Variants in ARFIP2 observed in about 807,000 individuals in gnomAD.
ARFIP2 encodes the protein ARF interacting protein 2.
Under a neutral mutation model 39.2 loss-of-function variants are expected in ARFIP2, and 14 were observed. The ratio of observed to expected loss-of-function variants is 0.36; its 90% CI spans 0.24 to 0.56. ARFIP2 has a LOEUF of 0.56. Ranked by LOEUF, ARFIP2 falls within the 20% of genes least tolerant of loss-of-function variation. The pLI, the probability that ARFIP2 is intolerant of heterozygous loss-of-function variation, is 0.85. For missense variants in ARFIP2, 305 were observed against 422.5 expected (o/e 0.72, Z 2.44); for synonymous variants, 167 against 172.4 (o/e 0.97, Z 0.24).
chr11:6,479,698 A>T (rs1321024260), intron 3 of ARFIP2: 2 of 547,580 alleles, frequency 3.7e-6, no homozygotes, highest in Admixed American at 7.1e-5. Flanking sequence ...CAAGCTGTAG[A>T]GGGGGGGCAT....
rs751896921 is a variant in ARFIP2 at position 6,477,901 on chromosome 11, G to A, written c.696-9C>T. 3 of 1,613,396 alleles carry A rather than the reference G, an allele frequency of 1.9e-6. No individual in the cohort carries two copies. The highest frequency in any genetic ancestry group is 2.5e-6 in the Non-Finnish European group (3 of 1,179,572). On this transcript the variant is annotated splice_polypyrimidine_tract_variant and intron_variant, in intron 6 of 7. Coordinates refer to ENST00000396777, the MANE Select transcript of ARFIP2 (RefSeq NM_001376558.2). The surrounding 1 kb of genome is among the most constrained non-coding windows in gnomAD (Gnocchi z 4.8). ...AGGCATCATATTCCAGCCTGGGGAG[G>A]GGGTGATAAAGGCTGGTCTCCACTC...
chr11:6,476,670 C>G lies in ARFIP2; in HGVS notation c.*443G>C, dbSNP rs1446907108. 1 of 164,234 alleles carries G rather than the reference C, an allele frequency of 6.1e-6. No individual in the cohort carries two copies. The highest frequency in any genetic ancestry group is 2.4e-5 in the African/African-American group (1 of 41,718). 10.2% of individuals were successfully genotyped at this position (164,234 alleles called of 1,614,324 possible). A position where few individuals can be genotyped will look rare whatever the true frequency, so the allele number is the denominator to read the frequency against. ...TATCCCCACCCCTTTGGTCCCAGTC[C>G]CCTTCTCTGCAATGGGCACGCATAG... On this transcript the variant is annotated 3_prime_UTR_variant, in exon 8 of 8. Coordinates refer to ENST00000396777, the MANE Select transcript of ARFIP2 (RefSeq NM_001376558.2).
chr11:6,478,480 G>T lies in ARFIP2; in HGVS notation c.537+258C>A. ...AGGGGAGGGGCTCTGATTAGGCTGA[G>T]CACGAAGGCATTCTCCCCAGTGCAG... is the stretch of plus-strand genomic sequence containing the variant. On this transcript the variant is annotated intron_variant, in intron 5 of 7. Transcript: ENST00000396777. This position sits in a 1 kb window ranked among gnomAD's most constrained non-coding sequence, Gnocchi z 4.8. 1 of 1,220,888 alleles carries T rather than the reference G, an allele frequency of 8.2e-7. No homozygotes were observed. Among genetic ancestry groups the T allele is most frequent in the Non-Finnish European group, 1.1e-6 (1 of 904,770 alleles). The allele number at this position is 1,220,888 out of a possible 1,614,324, so 75.6% of individuals were successfully genotyped here.
intron 1 of ARFIP2, 68 bp downstream of exon 1, chr11:6,481,163 C>A (rs532442026): frequency 2.2e-6 from 1 of 464,430 alleles, no homozygotes; most frequent in South Asian, 2.5e-5. Context: ...CCCCGGGGCT[C>A]GGGGCATCTT....
Position 6,478,072 on chromosome 11 carries a change from G to A in ARFIP2, c.664C>T (p.Leu222Phe). 1 of 1,614,078 alleles carries A rather than the reference G, an allele frequency of 6.2e-7. No homozygotes were observed. Among genetic ancestry groups the A allele is most frequent in the African/African-American group, 1.3e-5 (1 of 75,004 alleles). The change falls in exon 6 of 8, where the codon CTC (leucine) becomes TTC (phenylalanine). Residue 222 changes from leucine to phenylalanine, a missense_variant. Transcript: ENST00000396777. This position sits in a 1 kb window ranked among gnomAD's most constrained non-coding sequence, Gnocchi z 4.8. ...GCCTCATACTGTTTCACAGTCATGA[G>A]CGTGTCTTCCATGGTCTTGGTGACC... Reference protein sequence around the residue: ...TLVTKTMEDTLMTVKQYEAAR... With the variant: ...TLVTKTMEDTFMTVKQYEAAR...
In ARFIP2 at chr11:6,479,930, T is replaced by C. The variant is rs780269238; in HGVS notation, c.196+42A>G. On this transcript the variant is annotated intron_variant, in intron 3 of 7. Coordinates refer to ENST00000396777, the MANE Select transcript of ARFIP2 (RefSeq NM_001376558.2). ...CCTATGCTTCCCCAAACCATTCCTG[T>C]CCCCTCCTCCACCCAAGATTCCTGT... is the stretch of plus-strand genomic sequence containing the variant. 5.1e-6 allele frequency: 8 copies of C among 1,575,032 alleles called. No homozygotes were observed. The East Asian group carries it at 1.6e-4, about 31-fold the overall frequency.
rs777722147 is a variant in ARFIP2 at position 6,477,311 on chromosome 11, C to T, written c.871-43G>A. The T allele has an allele frequency of 2.5e-6, 4 of 1,591,962 alleles. No individual in the cohort carries two copies. The highest frequency in any genetic ancestry group is 3.4e-6 in the Non-Finnish European group (4 of 1,169,360). On this transcript the variant is annotated intron_variant, in intron 7 of 7. Coordinates refer to ENST00000396777, the MANE Select transcript of ARFIP2 (RefSeq NM_001376558.2). The surrounding 1 kb of genome is among the most constrained non-coding windows in gnomAD (Gnocchi z 4.8). Reference sequence around the variant, plus strand: ...TCAGCTAAGGCTGGACTCAGGCGCCCTTCTTGAGGGTCTATGAGCCTGAGC... The same window carrying T: ...TCAGCTAAGGCTGGACTCAGGCGCCTTTCTTGAGGGTCTATGAGCCTGAGC...
intron 2 of ARFIP2, 60 bp downstream of exon 2, chr11:6,480,263 C>G: frequency 6.5e-7 from 1 of 1,542,746 alleles, no homozygotes; most frequent in Non-Finnish European, 8.9e-7. Context: ...AGGGTGAGAA[C>G]CTAGGATTTA....
intron 3 of ARFIP2, 66 bp downstream of exon 3, chr11:6,479,906 C>A (rs779157517): frequency 6.8e-7 from 1 of 1,470,406 alleles, no homozygotes; most frequent in Non-Finnish European, 9.5e-7. Context: ...TAGACATATC[C>A]TATGCTTCCC....
rs1205782380 is a variant in ARFIP2, at chr11:6,477,424, G to C, written c.871-156C>G. 6.6e-6 allele frequency among the ~76,000 whole-genome samples: 1 copy of C among 152,184 alleles called. No individual in the cohort carries two copies. The highest frequency in any genetic ancestry group is 1.5e-5 in the Non-Finnish European group (1 of 68,046). On this transcript the variant is annotated intron_variant, in intron 7 of 7. Coordinates refer to ENST00000396777, the MANE Select transcript of ARFIP2 (RefSeq NM_001376558.2). This position sits in a 1 kb window ranked among gnomAD's most constrained non-coding sequence, Gnocchi z 4.8. ...CTCTACCCAGGGAGTCAAAGGAGAA[G>C]GGTCAGTATGATGGAAGAAACCTCA... is the stretch of plus-strand genomic sequence containing the variant.
intron 1 of ARFIP2, 44 bp downstream of exon 1, chr11:6,481,187 G>A (rs1169945190): frequency 5.6e-6 from 3 of 532,912 alleles, no homozygotes; most frequent in Non-Finnish European, 1.0e-5. Context: ...CTCTGGACAG[G>A]TTTGTGCGTT....
rs566744096 is a variant in ARFIP2 at position 6,477,549 on chromosome 11, G to C, written c.870+169C>G. Among the ~76,000 whole-genome samples the C allele has an allele frequency of 1.1e-3, 175 of 152,240 alleles. No individual in the cohort carries two copies. The highest frequency in any genetic ancestry group is 2.3e-3 in the South Asian group (11 of 4,822). The stretch of plus-strand genomic sequence containing the variant: ...CAGCCAAATCCTCCAACAGGAAAGG[G>C]CCAGGAATTGGAGGGAGGGTGATCT... On this transcript the variant is annotated intron_variant, in intron 7 of 7. Transcript: ENST00000396777. The surrounding 1 kb of genome is among the most constrained non-coding windows in gnomAD (Gnocchi z 4.8).
At chr11:6,480,251 G>A in intron 2 of ARFIP2, 72 bp downstream of exon 2, 1 of 1,491,268 alleles carries the variant, frequency 6.7e-7, no homozygotes, top group Non-Finnish European at 9.2e-7. Flanking sequence ...CTACTGGAAT[G>A]GAGGGTGAGA....
chr11:6,479,635 A>G, intron 3 of ARFIP2: 1 of 542,284 alleles, frequency 1.8e-6, no homozygotes, highest in South Asian at 2.4e-5. Flanking sequence ...TTGTTCCTCT[A>G]AACTTTAGAA....
chr11:6,477,605 C>T lies in ARFIP2; in HGVS notation c.870+113G>A. 1 of 1,253,514 alleles carries T rather than the reference C, an allele frequency of 8.0e-7. No homozygotes were observed. The highest frequency in any genetic ancestry group is 1.1e-6 in the Non-Finnish European group (1 of 905,892). The allele number at this position is 1,253,514 out of a possible 1,614,324, so 77.6% of individuals were successfully genotyped here. ...GGCCCAGGGGTTGAGGGGGTGAACACTCTACTCCCCAGCTAGGCTGCATTT... is the reference window on the plus strand; with the variant it reads ...GGCCCAGGGGTTGAGGGGGTGAACATTCTACTCCCCAGCTAGGCTGCATTT... On this transcript the variant is annotated intron_variant, in intron 7 of 7. Transcript: ENST00000396777. The surrounding 1 kb of genome is among the most constrained non-coding windows in gnomAD (Gnocchi z 4.8).
At position 6,481,306 on chromosome 11, in the gene ARFIP2, C is replaced by G. The variant is rs765229951; in HGVS notation, c.-118G>C. On this transcript the variant is annotated 5_prime_UTR_variant, in exon 1 of 8. Coordinates refer to ENST00000396777, the MANE Select transcript of ARFIP2 (RefSeq NM_001376558.2). The stretch of plus-strand genomic sequence containing the variant: ...GGACCTCGGGCTCCAGTTCCCGTCG[C>G]GATCCTAGCAGCAGGTCAGGGACTC... 8.1e-6 allele frequency: 6 copies of G among 740,992 alleles called. No individual in the cohort carries two copies. The highest frequency in any genetic ancestry group is 1.3e-5 in the Non-Finnish European group (6 of 459,622). The allele number at this position is 740,992 out of a possible 1,614,324, so 45.9% of individuals were successfully genotyped here. A position where few individuals can be genotyped will look rare whatever the true frequency, so the allele number is the denominator to read the frequency against.
rs1851218356 is a variant in ARFIP2, at chr11:6,477,604, ACT to A, written c.870+112_870+113del. The A allele has an allele frequency of 1.6e-6, 2 of 1,231,660 alleles. No individual in the cohort carries two copies. Among genetic ancestry groups the A allele is most frequent in the Admixed American group, 4.6e-5 (2 of 43,070 alleles). The allele number at this position is 1,231,660 out of a possible 1,614,324, so 76.3% of individuals were successfully genotyped here. A position where few individuals can be genotyped will look rare whatever the true frequency, so the allele number is the denominator to read the frequency against. On this transcript the variant is annotated intron_variant, in intron 7 of 7. Transcript: ENST00000396777. This position sits in a 1 kb window ranked among gnomAD's most constrained non-coding sequence, Gnocchi z 4.8. ...AGGCCCAGGGGTTGAGGGGGTGAAC[ACT>A]CTACTCCCCAGCTAGGCTGCATTTC...
intron 4 of ARFIP2, 61 bp from the exon 5 acceptor site, chr11:6,479,020 C>T: frequency 6.3e-7 from 1 of 1,590,476 alleles, no homozygotes; most frequent in Non-Finnish European, 8.6e-7. Flanking sequence ...CAACAGGTAT[C>T]TACCCCAGCA....
rs1018881471 is a variant in ARFIP2, at chr11:6,480,455, C to T, written c.-34G>A. ...AAGGTATTGGAGTAAAACTCTCCAC[C>T]CCAGCACCCTGCAAAGCCCAACACA... On this transcript the variant is annotated 5_prime_UTR_variant, in exon 2 of 8. Coordinates refer to ENST00000396777, the MANE Select transcript of ARFIP2 (RefSeq NM_001376558.2). 6.5e-7 allele frequency: 1 copy of T among 1,535,628 alleles called. No individual in the cohort carries two copies. The highest frequency in any genetic ancestry group is 8.8e-7 in the Non-Finnish European group (1 of 1,133,408).
Sources: gnomAD v4.1 joint callset for allele counts (sites outside exome capture counted in the v4.1 genomes callset) on GRCh38, gnomAD v4.1.1 for gene constraint, Gnocchi (gnomAD v3.1) non-coding constraint, MANE v1.5 for transcripts, NCBI Gene and HGNC (gene_info 2026-07-23, HGNC 2026-07-21) for gene names.